Variants in CAMSAP1 observed in about 807,000 individuals in gnomAD.
CAMSAP1 encodes the protein calmodulin-regulated spectrin-associated protein 1.
In CAMSAP1, 58 loss-of-function variants were observed where a neutral mutation model predicts 143.5. That is an observed-to-expected ratio of 0.40 (90% CI 0.33 to 0.50). The LOEUF is 0.50. Among genes scored for constraint, CAMSAP1 ranks in the 20% least tolerant of loss-of-function variants. The pLI is 0.45. For synonymous variants in CAMSAP1, 945 were observed against 859.3 expected, an observed-to-expected ratio of 1.10 and a Z score of -1.74; for missense variants, 1,969 against 2,115.7, an observed-to-expected ratio of 0.93 and a Z score of 1.36.
chr9:135,907,272 C>G lies in CAMSAP1; in HGVS notation c.-113G>C, dbSNP rs990208680. 4.6e-6 allele frequency: 3 copies of G among 658,520 alleles called. No homozygotes were observed. Among genetic ancestry groups the G allele is most frequent in the Non-Finnish European group, 5.6e-6 (3 of 532,294 alleles). The allele number at this position is 658,520 out of a possible 1,614,324, so 40.8% of individuals were successfully genotyped here. A position where few individuals can be genotyped will look rare whatever the true frequency, so the allele number is the denominator to read the frequency against. ...CCACTCGGCCCCGCAGCCGGCCAGC[C>G]GGGAGGGGCGCCCGAGCGCGGCCCC... On this transcript the variant is annotated 5_prime_UTR_variant, in exon 1 of 17. Coordinates refer to ENST00000389532, the MANE Select transcript of CAMSAP1 (RefSeq NM_015447.4).
At chr9:135,880,876 AAAC>A (rs1837924406) in intron 3 of CAMSAP1, among the ~76,000 whole-genome samples, 1 of 152,262 alleles carries the variant, frequency 6.6e-6, no homozygotes, top group Non-Finnish European at 1.5e-5. Context: ...TACTAAAAGT[AAAC>A]ATTCTTTACA....
rs1174585316 is a variant in CAMSAP1, at chr9:135,907,035, T to C, written c.125A>G (p.Asn42Ser). Residue 42 changes from asparagine to serine, a missense_variant, in exon 1 of 17, where the codon AAC (asparagine) becomes AGC (serine). By Grantham distance (46) the Asn-to-Ser change is conservative. Transcript: ENST00000389532. ...YDAARAKIAANLQWICAKAYG... is the reference protein window; with the variant it reads ...YDAARAKIAASLQWICAKAYG... Reference sequence around the variant, plus strand: ...GGCCTTGGCGCAGATCCACTGCAGGTTGGCGGCGATCTTGGCGCGCGCCGC... The same window carrying C: ...GGCCTTGGCGCAGATCCACTGCAGGCTGGCGGCGATCTTGGCGCGCGCCGC... 6 of 1,185,088 alleles carry C rather than the reference T, an allele frequency of 5.1e-6. No individual in the cohort carries two copies. Among genetic ancestry groups the C allele is most frequent in the Non-Finnish European group, 5.3e-6 (5 of 946,284 alleles). The allele number at this position is 1,185,088 out of a possible 1,614,324, so 73.4% of individuals were successfully genotyped here. A position where few individuals can be genotyped will look rare whatever the true frequency, so the allele number is the denominator to read the frequency against.
Position 135,817,965 on chromosome 9 carries a change from C to T in CAMSAP1, c.4271+12G>A. 3.7e-6 allele frequency: 6 copies of T among 1,613,476 alleles called. No individual in the cohort carries two copies. Among genetic ancestry groups the T allele is most frequent in the South Asian group, 1.1e-5 (1 of 91,072 alleles). On this transcript the variant is annotated intron_variant, in intron 14 of 16. Transcript: ENST00000389532. ...TCCAGCCCCGTGCCGGCGGCCGTCT[C>T]AGGCCCCTTACCGCTGAGAGGGTGT...
At chr9:135,848,424 C>T (rs546101818) in intron 7 of CAMSAP1, among the ~76,000 whole-genome samples, 1 of 152,208 alleles carries the variant, frequency 6.6e-6, no homozygotes, top group South Asian at 2.1e-4. Flanking sequence ...GAGGTAACCA[C>T]CACTCGGGTC....
intron 3 of CAMSAP1, among the ~76,000 whole-genome samples, chr9:135,879,845 A>G (rs189703124): frequency 1.7e-4 from 26 of 151,924 alleles, no homozygotes; most frequent in Admixed American, 3.3e-4. Flanking sequence ...GAGTCACTGG[A>G]ACGGCTGAAA....
At chr9:135,899,440 A>G (rs972351036) in intron 1 of CAMSAP1, among the ~76,000 whole-genome samples, 6 of 151,074 alleles carry the variant, frequency 4.0e-5, no homozygotes, top group Non-Finnish European at 8.8e-5. Context: ...AAAAAAGTCC[A>G]AAACAAAAGT....
At chr9:135,897,927 AAAG>A (rs1838507151) in intron 1 of CAMSAP1, among the ~76,000 whole-genome samples, 1 of 152,212 alleles carries the variant, frequency 6.6e-6, no homozygotes, top group African/African-American at 2.4e-5. Context: ...ACAATGAGTC[AAAG>A]AAGTAGTTAT....
intron 8 of CAMSAP1, among the ~76,000 whole-genome samples, chr9:135,825,674 C>T (rs935546398): frequency 2.6e-5 from 4 of 152,240 alleles, no homozygotes; most frequent in African/African-American, 7.2e-5. Context: ...GAGAAACAAG[C>T]GCGCTCACAC....
Position 135,810,463 on chromosome 9 carries a change from C to A in CAMSAP1, c.*846G>T, listed in dbSNP as rs764473347. 6.6e-5 allele frequency: 10 copies of A among 152,530 alleles called. No individual in the cohort carries two copies. Among genetic ancestry groups the A allele is most frequent in the Non-Finnish European group, 1.5e-4 (10 of 68,038 alleles). 9.4% of individuals were successfully genotyped at this position (152,530 alleles called of 1,614,324 possible). A position where few individuals can be genotyped will look rare whatever the true frequency, so the allele number is the denominator to read the frequency against. ...ATCTGTCTTTATTAAAGTGAACAAA[C>A]CATTAGAGCACTACCCAAAACTTAA... is the stretch of plus-strand genomic sequence containing the variant. On this transcript the variant is annotated 3_prime_UTR_variant, in exon 17 of 17. Transcript: ENST00000389532.
At chr9:135,860,673 C>G (rs1343282212) in intron 5 of CAMSAP1, among the ~76,000 whole-genome samples, 1 of 151,700 alleles carries the variant, frequency 6.6e-6, no homozygotes, top group Admixed American at 6.6e-5. Flanking sequence ...ATCTGAAGAC[C>G]CCAACCCCTC....
rs1834928278 is a variant in CAMSAP1, at chr9:135,808,596, C to T, written c.*2713G>A. 2 of 152,210 alleles carry T rather than the reference C, an allele frequency of 1.3e-5. No individual in the cohort carries two copies. Among genetic ancestry groups the T allele is most frequent in the South Asian group, 4.1e-4 (2 of 4,828 alleles). 9.4% of individuals were successfully genotyped at this position (152,210 alleles called of 1,614,324 possible). A position where few individuals can be genotyped will look rare whatever the true frequency, so the allele number is the denominator to read the frequency against. On this transcript the variant is annotated 3_prime_UTR_variant, in exon 17 of 17. Coordinates refer to ENST00000389532, the MANE Select transcript of CAMSAP1 (RefSeq NM_015447.4). The stretch of plus-strand genomic sequence containing the variant: ...CTAGAAGTAATTTAGAATTATTCCA[C>T]TTTTCAATTTTGCCTGAGTGAAGAA...
rs140750823 is a variant in CAMSAP1 at position 135,872,837 on chromosome 9, G to A, written c.586-6301C>T. 3.4e-3 allele frequency among the ~76,000 whole-genome samples: 520 copies of A among 152,296 alleles called. 3 individuals are homozygous for A. Among genetic ancestry groups the A allele is most frequent in the Middle Eastern group, 0.014 (4 of 294 alleles). On this transcript the variant is annotated intron_variant, in intron 3 of 16. Coordinates refer to ENST00000389532, the MANE Select transcript of CAMSAP1 (RefSeq NM_015447.4). ...AACTTGAATATGTGTAAACGTAACA[G>A]ACTTTGAAAATACACAAAGTAAAAA...
intron 7 of CAMSAP1, among the ~76,000 whole-genome samples, chr9:135,838,986 C>T (rs941464482): frequency 1.3e-5 from 2 of 152,210 alleles, no homozygotes; most frequent in African/African-American, 2.4e-5. Context: ...CACGTCACCA[C>T]GCACTTTCTA....
At chr9:135,851,739 A>C (rs917921726) in intron 5 of CAMSAP1, among the ~76,000 whole-genome samples, 3 of 152,252 alleles carry the variant, frequency 2.0e-5, no homozygotes, top group African/African-American at 7.2e-5. Context: ...GTTTTCAAAC[A>C]GATCTATGTT....
intron 3 of CAMSAP1, 79 bp downstream of exon 3, chr9:135,881,554 C>T (rs1837949522): frequency 6.8e-7 from 1 of 1,475,384 alleles, no homozygotes; most frequent in Non-Finnish European, 9.2e-7. Flanking sequence ...GCGTGACAGA[C>T]AAGGTGTGCT....
chr9:135,864,294 A>G lies in CAMSAP1; in HGVS notation c.667-1686T>C, dbSNP rs192976016. ...TTTGATATTTAGCTCTTCAGTCTTC[A>G]GGATTCAAAAAGTTAAAAGATCTAT... On this transcript the variant is annotated intron_variant, in intron 4 of 16. Transcript: ENST00000389532. Among the ~76,000 whole-genome samples the G allele has an allele frequency of 1.7e-4, 26 of 152,374 alleles. No individual in the cohort carries two copies. The East Asian group carries it at 1.9e-3, about 11-fold the overall frequency.
At chr9:135,893,652 A>G (rs1838358292) in intron 1 of CAMSAP1, among the ~76,000 whole-genome samples, 1 of 152,218 alleles carries the variant, frequency 6.6e-6, no homozygotes, top group Admixed American at 6.5e-5. Context: ...CATATAATGG[A>G]TGAGAATCTT....
intron 5 of CAMSAP1, among the ~76,000 whole-genome samples, chr9:135,861,022 G>A (rs553865879): frequency 4.6e-5 from 7 of 152,156 alleles, no homozygotes; most frequent in Non-Finnish European, 7.4e-5. Flanking sequence ...CTGATCCACC[G>A]TGTACCCAAG....
rs1361108270 is a variant in CAMSAP1, at chr9:135,811,337, A to G, written c.4781T>C (p.Val1594Ala). 6.2e-7 allele frequency: 1 copy of G among 1,613,006 alleles called. No individual in the cohort carries two copies. The highest frequency in any genetic ancestry group is 1.7e-5 in the Admixed American group (1 of 59,906). The change falls in exon 17 of 17, where the codon GTG becomes GCG. Residue 1594 changes from valine (V) to alanine (A), a missense_variant. This residue lies in a region of CAMSAP1 where 143 missense variants were observed against 200.6 expected (regional missense o/e 0.71). Coordinates refer to ENST00000389532, the MANE Select transcript of CAMSAP1 (RefSeq NM_015447.4). The surrounding 1 kb of genome is among the most constrained non-coding windows in gnomAD (Gnocchi z 4.9). ...TTTACGAGTCTGGGCCTTCTTTGGC[A>G]CTGCAGGCCGCTTGGGCTGCCACAG... ...NHLWQPKRPA[V>A]PKKAQTRK
Sources: allele counts gnomAD v4.1 joint callset (sites outside exome capture counted in the v4.1 genomes callset), GRCh38; gene constraint gnomAD v4.1.1; regional missense constraint gnomAD v4.1.1; non-coding constraint Gnocchi (gnomAD v3.1); transcripts MANE v1.5; gene names NCBI Gene and HGNC (gene_info 2026-07-23, HGNC 2026-07-21).